The following TFPI variants were observed in gnomAD, a reference collection of about 807,000 sequenced individuals.
TFPI encodes the protein anti-convertin.
In TFPI, 15 loss-of-function variants were observed where a neutral mutation model predicts 34.6. That is an observed-to-expected ratio of 0.43 (90% CI 0.29 to 0.67). TFPI has a LOEUF of 0.67. Ranked by LOEUF, TFPI falls within the 30% of genes least tolerant of loss-of-function variation. TFPI has a pLI of 0.15. For missense variants in TFPI, 301 were observed against 364.0 expected, an observed-to-expected ratio of 0.83 and a Z score of 1.41; for synonymous variants, 105 against 120.1, an observed-to-expected ratio of 0.87 and a Z score of 0.82.
chr2:187,508,781 CTTTA>C (rs1686409839), intron 1 of TFPI, among the ~76,000 whole-genome samples: 2 of 152,136 alleles, frequency 1.3e-5, no homozygotes, highest in African/African-American at 4.8e-5. Context: ...TTTGAATAAA[CTTTA>C]TTTCTTTCTC....
intron 2 of TFPI, among the ~76,000 whole-genome samples, chr2:187,498,818 G>A (rs1323656393): frequency 6.6e-6 from 1 of 151,638 alleles, no homozygotes; most frequent in Non-Finnish European, 1.5e-5. Flanking sequence ...TATGATACGG[G>A]GATAGTTTCA....
intron 6 of TFPI, chr2:187,478,430 G>A (rs190217781): frequency 1.1e-4 from 39 of 349,534 alleles, no homozygotes; most frequent in Non-Finnish European, 3.6e-5. Context: ...GAAGCAAAGG[G>A]ATGTATAAAA....
chr2:187,491,617 C>T (rs8176487), intron 3 of TFPI, among the ~76,000 whole-genome samples: 84 of 151,912 alleles, frequency 5.5e-4, no homozygotes, highest in African/African-American at 1.9e-3. Context: ...TAGACACTTA[C>T]GTTGATTTTA....
At chr2:187,486,252 A>G (rs139940321) in intron 4 of TFPI, among the ~76,000 whole-genome samples, 1 of 151,762 alleles carries the variant, frequency 6.6e-6, no homozygotes. Context: ...ATGTTATAAC[A>G]TTTTATAAGG....
chr2:187,468,793 G>C (rs779042503), intron 6 of TFPI, among the ~76,000 whole-genome samples: 1 of 151,368 alleles, frequency 6.6e-6, no homozygotes, highest in Non-Finnish European at 1.5e-5. Flanking sequence ...GTACTCTTCG[G>C]TAGCACAGCT....
chr2:187,529,428 T>C (rs1351978780), intron 1 of TFPI: 2 of 152,308 alleles, frequency 1.3e-5, no homozygotes, highest in African/African-American at 2.4e-5. Flanking sequence ...GAGGGCTCTC[T>C]CTTGGCTTGC....
At chr2:187,546,882 A>G (rs2106325482) in intron 1 of TFPI, 1 of 152,364 alleles carries the variant, frequency 6.6e-6, no homozygotes, top group East Asian at 1.9e-4. Flanking sequence ...CTATTAATTC[A>G]TAATGAATGG....
intron 1 of TFPI, among the ~76,000 whole-genome samples, chr2:187,531,436 G>A (rs779080697): frequency 6.6e-5 from 10 of 152,048 alleles, no homozygotes; most frequent in Admixed American, 2.0e-4. Flanking sequence ...GTAATAATTC[G>A]TTTCTTTTTA....
chr2:187,481,665 G>C (rs1227237201), intron 6 of TFPI, among the ~76,000 whole-genome samples: 1 of 151,516 alleles, frequency 6.6e-6, no homozygotes, highest in African/African-American at 2.4e-5. Context: ...GGAGGGGAGG[G>C]GCGGGGAAGG....
At chr2:187,516,360 G>A (rs987090057) in intron 1 of TFPI, 1 of 152,180 alleles carries the variant, frequency 6.6e-6, no homozygotes, top group Non-Finnish European at 1.5e-5. Flanking sequence ...GTTGGAAATG[G>A]TTTCCAGCAC....
chr2:187,530,906 T>G (rs902327140), intron 1 of TFPI, among the ~76,000 whole-genome samples: 1 of 152,220 alleles, frequency 6.6e-6, no homozygotes, highest in African/African-American at 2.4e-5. Flanking sequence ...AAAATTATTT[T>G]AAATGGTATG....
intron 2 of TFPI, among the ~76,000 whole-genome samples, chr2:187,500,213 TC>T (rs1685762306): frequency 6.6e-6 from 1 of 152,180 alleles, no homozygotes; most frequent in South Asian, 2.1e-4. Flanking sequence ...CTAATGTTGC[TC>T]ACTGAGTAAT....
intron 6 of TFPI, among the ~76,000 whole-genome samples, chr2:187,482,089 A>T (rs1383117166): frequency 1.3e-5 from 2 of 152,038 alleles, no homozygotes; most frequent in Admixed American, 1.3e-4. Flanking sequence ...CAAAAATTTT[A>T]AATTTTATAC....
At chr2:187,512,277 TAA>T (rs143585752) in intron 1 of TFPI, among the ~76,000 whole-genome samples, 113 of 110,238 alleles carry the variant, frequency 1.0e-3, no homozygotes, top group Admixed American at 1.4e-3. Flanking sequence ...TATCCTAAGT[TAA>T]AAAAAAAAAA....
chr2:187,488,481 A>C, intron 3 of TFPI, 106 bp from the exon 4 acceptor site: 1 of 607,774 alleles, frequency 1.6e-6, no homozygotes, highest in East Asian at 3.4e-5. Flanking sequence ...CATTAAAATT[A>C]TTCTTATACA....
intron 3 of TFPI, among the ~76,000 whole-genome samples, chr2:187,494,264 A>G (rs1240218707): frequency 6.7e-6 from 1 of 150,188 alleles, no homozygotes; most frequent in Admixed American, 6.6e-5. Context: ...ACAAGATGAT[A>G]TTTGGGTAGG....
chr2:187,553,022 A>G (rs760383746), intron 1 of TFPI, among the ~76,000 whole-genome samples: 2 of 152,106 alleles, frequency 1.3e-5, no homozygotes, highest in Non-Finnish European at 2.9e-5. Context: ...GCCAAATTTC[A>G]GGGACTATCC....
At chr2:187,499,121 CT>C (rs961455911) in intron 2 of TFPI, among the ~76,000 whole-genome samples, 15 of 147,188 alleles carry the variant, frequency 1.0e-4, no homozygotes, top group South Asian at 4.3e-4. Flanking sequence ...AATGTCATTT[CT>C]TTTTTTTTTC....
chr2:187,484,105 A>C lies in TFPI; in HGVS notation c.628+19T>G, dbSNP rs376744115. On this transcript the variant is annotated intron_variant, in intron 6 of 7. Coordinates refer to ENST00000233156, the MANE Select transcript of TFPI (RefSeq NM_006287.6). ...TGATAATAGTTTCCTGGAAGCAATA[A>C]AATCCACAAGATTCTTACCAAAAAG... The C allele has an allele frequency of 2.0e-5, 32 of 1,606,662 alleles. No individual in the cohort carries two copies. In the Middle Eastern group the frequency reaches 4.9e-4, roughly 25 times the overall value.
Sources: gnomAD v4.1 joint callset for allele counts (sites outside exome capture counted in the v4.1 genomes callset) on GRCh38, gnomAD v4.1.1 for gene constraint, MANE v1.5 for transcripts, NCBI Gene and HGNC (gene_info 2026-07-23, HGNC 2026-07-21) for gene names.